The following PMEPA1 variants were observed in gnomAD, a reference collection of about 807,000 sequenced individuals.
PMEPA1 encodes prostate transmembrane protein, androgen induced 1, also known as protein TMEPAI.
PMEPA1 carries 11 observed loss-of-function variants against 23.0 expected under a neutral mutation model. The ratio of observed to expected loss-of-function variants is 0.48; its 90% CI spans 0.30 to 0.79. PMEPA1 has a LOEUF of 0.79. PMEPA1 is among the 30% of genes least tolerant of loss of function. The probability of loss-of-function intolerance (pLI) is 0.06; values close to 1 mark genes in which losing one functional copy is unlikely to be tolerated. For synonymous variants in PMEPA1, 204 were observed against 166.4 expected, an observed-to-expected ratio of 1.23 and a Z score of -1.74; for missense variants, 377 against 390.9, an observed-to-expected ratio of 0.96 and a Z score of 0.30.
chr20:57,669,142 C>CATTTATTTATTTATTTATTTATTT (rs10523107), intron 1 of PMEPA1, among the ~76,000 whole-genome samples: 4 of 145,520 alleles, frequency 2.7e-5, no homozygotes, highest in African/African-American at 1.0e-4. Context: ...TAAAAAAGCA[C>CATTTATTTATTTATTTATTTATTT]ATTTATTTAT....
intron 1 of PMEPA1, among the ~76,000 whole-genome samples, chr20:57,702,545 T>C (rs183529947): frequency 1.3e-4 from 20 of 152,284 alleles, no homozygotes; most frequent in Non-Finnish European, 2.5e-4. Flanking sequence ...CTTGCAGTCT[T>C]GGGAGCCTAA....
At chr20:57,708,834 C>G (rs1210996801) in intron 1 of PMEPA1, among the ~76,000 whole-genome samples, 8 of 152,086 alleles carry the variant, frequency 5.3e-5, no homozygotes, top group Admixed American at 5.2e-4. Flanking sequence ...AGAAAGGCAC[C>G]CCGGCCCGGA....
chr20:57,690,295 G>A (rs553424964), intron 1 of PMEPA1: 88 of 597,978 alleles, frequency 1.5e-4, no homozygotes, highest in African/African-American at 8.0e-4. Context: ...CGGGGGGGCC[G>A]GGCCCAGTGC....
intron 1 of PMEPA1, among the ~76,000 whole-genome samples, chr20:57,665,586 G>A (rs1349504890): frequency 1.3e-5 from 2 of 151,828 alleles, no homozygotes; most frequent in Admixed American, 1.3e-4. Context: ...ACAGAACGTA[G>A]CACACTCAAC....
chr20:57,698,447 G>C (rs1165879495), intron 1 of PMEPA1, among the ~76,000 whole-genome samples: 1 of 152,176 alleles, frequency 6.6e-6, no homozygotes, highest in Admixed American at 6.5e-5. Context: ...CAATAACGAG[G>C]AGGCATAGAC....
chr20:57,682,171 G>A lies in PMEPA1; in HGVS notation c.110-22474C>T, dbSNP rs1488012489. On this transcript the variant is annotated intron_variant, in intron 1 of 3. Transcript: ENST00000341744. The surrounding 1 kb of genome is among the most constrained non-coding windows in gnomAD (Gnocchi z 4.4). ...GATGGGTGATTCGCCCAAATACCGG[G>A]TCTGTCCTCCTTCCTTAGGTCACTA... 1.3e-5 allele frequency among the ~76,000 whole-genome samples: 2 copies of A among 152,290 alleles called. No individual in the cohort carries two copies. The highest frequency in any genetic ancestry group is 4.8e-5 in the African/African-American group (2 of 41,568).
At chr20:57,660,855 A>T (rs1471651160) in intron 1 of PMEPA1, among the ~76,000 whole-genome samples, 4 of 152,070 alleles carry the variant, frequency 2.6e-5, no homozygotes, top group Non-Finnish European at 5.9e-5. Flanking sequence ...CACACGACCC[A>T]ACACTCCTAC....
chr20:57,701,343 A>G (rs1405460506), intron 1 of PMEPA1, among the ~76,000 whole-genome samples: 3 of 152,096 alleles, frequency 2.0e-5, no homozygotes, highest in Admixed American at 2.0e-4. Flanking sequence ...ATAACCCCAA[A>G]ACACTCCCAG....
At position 57,682,128 on chromosome 20, in the gene PMEPA1, C is replaced by T. The variant is rs1039193104; in HGVS notation, c.110-22431G>A. On this transcript the variant is annotated intron_variant, in intron 1 of 3. Coordinates refer to ENST00000341744, the MANE Select transcript of PMEPA1 (RefSeq NM_020182.5). The surrounding 1 kb of genome is among the most constrained non-coding windows in gnomAD (Gnocchi z 4.4). ...GTGGCACAGGGAAGGAGCTCACCTACTGGATAAATGAACAGAAGATGGGTG... is the reference window on the plus strand; with the variant it reads ...GTGGCACAGGGAAGGAGCTCACCTATTGGATAAATGAACAGAAGATGGGTG... 6.6e-6 allele frequency among the ~76,000 whole-genome samples: 1 copy of T among 152,224 alleles called. No individual in the cohort carries two copies. The highest frequency in any genetic ancestry group is 1.5e-5 in the Non-Finnish European group (1 of 68,034).
chr20:57,654,562 C>A (rs1031593352), intron 2 of PMEPA1, among the ~76,000 whole-genome samples: 2 of 152,188 alleles, frequency 1.3e-5, no homozygotes, highest in African/African-American at 4.8e-5. Context: ...CTCTGATATT[C>A]TTCAAGTTGC....
chr20:57,666,099 G>A (rs936507262), intron 1 of PMEPA1, among the ~76,000 whole-genome samples: 1 of 152,056 alleles, frequency 6.6e-6, no homozygotes, highest in African/African-American at 2.4e-5. Context: ...GGGTGACCAA[G>A]CCCATCTTCC....
In PMEPA1 at chr20:57,690,315, C is replaced by A. The variant is rs994535449; in HGVS notation, c.109+19159G>T. ...GGGCCGGGCCCAGTGCCTGCACCCA[C>A]CCCCACCACTGCCACCCGCCCTGCA... is the stretch of plus-strand genomic sequence containing the variant. On this transcript the variant is annotated intron_variant, in intron 1 of 3. Coordinates refer to ENST00000341744, the MANE Select transcript of PMEPA1 (RefSeq NM_020182.5). The A allele has an allele frequency of 7.4e-5, 56 of 753,132 alleles. 1 individual carries two copies. The African/African-American group carries it at 8.3e-4, about 11-fold the overall frequency. 46.7% of individuals were successfully genotyped at this position (753,132 alleles called of 1,614,324 possible).
At chr20:57,693,686 A>AC (rs1276705123) in intron 1 of PMEPA1, among the ~76,000 whole-genome samples, 1 of 152,050 alleles carries the variant, frequency 6.6e-6, no homozygotes, top group Non-Finnish European at 1.5e-5. Flanking sequence ...TTCAGACATC[A>AC]CAGAACAATT....
In PMEPA1 at chr20:57,651,606, ACTC is replaced by A. The variant is rs1489526387; in HGVS notation, c.*444_*446del. The A allele has an allele frequency of 2.0e-5, 3 of 151,462 alleles. No individual in the cohort carries two copies. Among genetic ancestry groups the A allele is most frequent in the Non-Finnish European group, 4.4e-5 (3 of 67,856 alleles). 9.4% of individuals were successfully genotyped at this position (151,462 alleles called of 1,614,324 possible). A position where few individuals can be genotyped will look rare whatever the true frequency, so the allele number is the denominator to read the frequency against. ...AATAGGCCTCTTCTAATACAAAAAT[ACTC>A]CTGCCCTCGCACATACAGTTTCTCT... On this transcript the variant is annotated 3_prime_UTR_variant, in exon 4 of 4. Transcript: ENST00000341744.
At chr20:57,690,155 G>C (rs532220427) in intron 1 of PMEPA1, among the ~76,000 whole-genome samples, 40 of 152,352 alleles carry the variant, frequency 2.6e-4, no homozygotes, top group African/African-American at 8.9e-4. Flanking sequence ...CAGCCTGGGG[G>C]CCTCCATGTG....
upstream of PMEPA1, chr20:57,710,550 G>A (rs1413672965): frequency 3.6e-6 from 5 of 1,395,102 alleles, no homozygotes; most frequent in African/African-American, 1.5e-5. Flanking sequence ...GCTTTCACCC[G>A]AACCCAAGGA....
intron 2 of PMEPA1, among the ~76,000 whole-genome samples, chr20:57,659,013 G>C (rs563271239): frequency 6.6e-6 from 1 of 152,212 alleles, no homozygotes; most frequent in Non-Finnish European, 1.5e-5. Context: ...CATCTCTCTA[G>C]GTCTGTCTCC....
At chr20:57,681,981 T>C (rs970519522) in intron 1 of PMEPA1, among the ~76,000 whole-genome samples, 5 of 152,174 alleles carry the variant, frequency 3.3e-5, no homozygotes, top group Non-Finnish European at 5.9e-5. Flanking sequence ...GGCACAGTCA[T>C]GTGACACTGT....
intron 2 of PMEPA1, among the ~76,000 whole-genome samples, chr20:57,654,530 C>T (rs570687361): frequency 6.6e-5 from 10 of 152,242 alleles, no homozygotes; most frequent in Admixed American, 2.0e-4. Flanking sequence ...TTAACTGCCT[C>T]GTCTCCTGAT....
Sources: gnomAD v4.1 joint callset for allele counts (sites outside exome capture counted in the v4.1 genomes callset) on GRCh38, gnomAD v4.1.1 for gene constraint, Gnocchi (gnomAD v3.1) non-coding constraint, MANE v1.5 for transcripts, NCBI Gene and HGNC (gene_info 2026-07-23, HGNC 2026-07-21) for gene names.